The following NRG3 variants were observed in gnomAD, a reference collection of about 807,000 sequenced individuals.
NRG3 encodes the protein neuregulin 3, also known as pro-neuregulin-3, membrane-bound isoform.
NRG3 carries 31 observed loss-of-function variants against 66.9 expected under a neutral mutation model. The observed-to-expected ratio is 0.46, with a 90% CI of 0.35 to 0.63. The LOEUF (loss-of-function observed/expected upper bound fraction) is 0.63, where lower values mean the gene tolerates loss of function less well. NRG3 is among the 20% of genes least tolerant of loss of function. NRG3 has a pLI of 0.00. For synonymous variants in NRG3, 393 were observed against 359.4 expected, an observed-to-expected ratio of 1.09 and a Z score of -1.06; for missense variants, 910 against 878.9, an observed-to-expected ratio of 1.04 and a Z score of -0.45.
At chr10:82,592,816 A>G (rs142757766) in intron 2 of NRG3, among the ~76,000 whole-genome samples, 56 of 152,282 alleles carry the variant, frequency 3.7e-4, no homozygotes, top group Admixed American at 9.8e-4. Flanking sequence ...AAATGTGTAT[A>G]TGTTGAGGGA....
chr10:82,029,626 C>T (rs529324690), intron 1 of NRG3, among the ~76,000 whole-genome samples: 16 of 152,144 alleles, frequency 1.1e-4, no homozygotes, highest in African/African-American at 3.9e-4. Flanking sequence ...TAAACAAGTT[C>T]GTCTTCCAGC....
intron 4 of NRG3, among the ~76,000 whole-genome samples, chr10:82,937,818 C>T (rs114420325): frequency 0.013 from 2,036 of 152,194 alleles, 43 homozygotes; most frequent in African/African-American, 0.047. Flanking sequence ...TTAAAATTCA[C>T]TATGTACAGA....
intron 1 of NRG3, among the ~76,000 whole-genome samples, chr10:81,951,260 G>C (rs1849330971): frequency 6.6e-6 from 1 of 152,158 alleles, no homozygotes; most frequent in African/African-American, 2.4e-5. Context: ...GCAGGACTGA[G>C]AGAAGCTTCA....
At chr10:82,135,804 T>C (rs968841601) in intron 1 of NRG3, among the ~76,000 whole-genome samples, 2 of 152,148 alleles carry the variant, frequency 1.3e-5, no homozygotes, top group East Asian at 3.9e-4. Flanking sequence ...CTGTCTGAAA[T>C]GTCACATATC....
In NRG3 at chr10:82,281,306, G is replaced by T. The variant is rs74146551; in HGVS notation, c.824-77433G>T. Among the ~76,000 whole-genome samples the T allele has an allele frequency of 6.1e-3, 933 of 152,200 alleles. 10 individuals carry two copies. Among genetic ancestry groups the T allele is most frequent in the African/African-American group, 0.021 (878 of 41,536 alleles). On this transcript the variant is annotated intron_variant, in intron 1 of 8. Transcript: ENST00000372141. ...AGAAAGATAGCATGATTGCTGAATG[G>T]CATACAGAAGGAAACAGAATTTATC...
intron 2 of NRG3, among the ~76,000 whole-genome samples, chr10:82,547,819 T>C (rs2044029406): frequency 6.6e-6 from 1 of 152,088 alleles, no homozygotes; most frequent in Admixed American, 6.6e-5. Flanking sequence ...CACAGGGCAC[T>C]TGGGATATCT....
chr10:82,613,033 A>G (rs527451751), intron 2 of NRG3, among the ~76,000 whole-genome samples: 6 of 152,298 alleles, frequency 3.9e-5, no homozygotes, highest in African/African-American at 1.4e-4. Flanking sequence ...AGTTGTAGTT[A>G]ATAGTTTGAG....
chr10:82,044,476 A>G (rs947534111), intron 1 of NRG3, among the ~76,000 whole-genome samples: 1 of 152,000 alleles, frequency 6.6e-6, no homozygotes, highest in African/African-American at 2.4e-5. Flanking sequence ...AACCATGCAG[A>G]CATGGAGAGA....
chr10:82,943,749 T>C (rs1592043518), intron 4 of NRG3, among the ~76,000 whole-genome samples: 1 of 152,314 alleles, frequency 6.6e-6, no homozygotes, highest in South Asian at 2.1e-4. Flanking sequence ...AATAATGCTT[T>C]ATTAGGTTTC....
intron 2 of NRG3, among the ~76,000 whole-genome samples, chr10:82,728,200 A>T (rs180810590): frequency 1.4e-4 from 22 of 152,232 alleles, no homozygotes; most frequent in African/African-American, 4.1e-4. Flanking sequence ...ACTGTAGGGA[A>T]CGCATGATTT....
At chr10:82,618,647 A>G (rs1189198952) in intron 2 of NRG3, among the ~76,000 whole-genome samples, 7 of 152,192 alleles carry the variant, frequency 4.6e-5, no homozygotes, top group Admixed American at 3.3e-4. Flanking sequence ...AATCCACAAT[A>G]GAAGAAAAAT....
At chr10:82,061,813 T>A (rs2064156011) in intron 1 of NRG3, among the ~76,000 whole-genome samples, 1 of 151,794 alleles carries the variant, frequency 6.6e-6, no homozygotes, top group African/African-American at 2.4e-5. Context: ...CTCCTTTCCT[T>A]CTGTTCTCTT....
chr10:82,419,512 T>C (rs1827324029), intron 2 of NRG3, among the ~76,000 whole-genome samples: 2 of 152,184 alleles, frequency 1.3e-5, no homozygotes, highest in Admixed American at 1.3e-4. Context: ...CTAAAGTCTT[T>C]CCATTAAATT....
At chr10:82,160,172 T>C (rs1405791133) in intron 1 of NRG3, among the ~76,000 whole-genome samples, 1 of 151,948 alleles carries the variant, frequency 6.6e-6, no homozygotes, top group Non-Finnish European at 1.5e-5. Flanking sequence ...CCATTTTACC[T>C]ACCTAAACAC....
chr10:82,328,260 G>T (rs2081970704), intron 1 of NRG3, among the ~76,000 whole-genome samples: 1 of 152,254 alleles, frequency 6.6e-6, no homozygotes, highest in South Asian at 2.1e-4. Context: ...TTTGGACAAG[G>T]GTCTTGTTTG....
At chr10:82,397,569 C>T (rs2086794015) in intron 2 of NRG3, among the ~76,000 whole-genome samples, 1 of 152,072 alleles carries the variant, frequency 6.6e-6, no homozygotes, top group South Asian at 2.1e-4. Flanking sequence ...ATCTTTTAGA[C>T]ATTTCTAATC....
intron 2 of NRG3, among the ~76,000 whole-genome samples, chr10:82,551,519 T>C (rs1035330925): frequency 2.0e-5 from 3 of 152,050 alleles, no homozygotes; most frequent in Non-Finnish European, 1.5e-5. Context: ...CTTTTTGTGA[T>C]TTTTTTCCTG....
At chr10:82,640,136 T>A (rs945587103) in intron 2 of NRG3, among the ~76,000 whole-genome samples, 4 of 152,226 alleles carry the variant, frequency 2.6e-5, no homozygotes, top group Non-Finnish European at 4.4e-5. Flanking sequence ...AAATACCATT[T>A]GACACAGCAA....
intron 2 of NRG3, among the ~76,000 whole-genome samples, chr10:82,434,988 T>C (rs911042753): frequency 6.6e-6 from 1 of 152,182 alleles, no homozygotes; most frequent in African/African-American, 2.4e-5. Context: ...TCTCTCCTTT[T>C]CAATTGTTTT....
Sources: gnomAD v4.1 joint callset for allele counts (sites outside exome capture counted in the v4.1 genomes callset) on GRCh38, gnomAD v4.1.1 for gene constraint, MANE v1.5 for transcripts, NCBI Gene and HGNC (gene_info 2026-07-23, HGNC 2026-07-21) for gene names.